The following SLC24A2 variants were observed in gnomAD, a reference collection of about 807,000 sequenced individuals.
SLC24A2 encodes the protein solute carrier family 24 member 2, also known as sodium/potassium/calcium exchanger 2.
SLC24A2 carries 36 observed loss-of-function variants against 62.0 expected under a neutral mutation model. The ratio of observed to expected loss-of-function variants is 0.58; its 90% CI spans 0.44 to 0.77. SLC24A2 has a LOEUF of 0.77. Ranked by LOEUF, SLC24A2 falls within the 30% of genes least tolerant of loss-of-function variation. The probability of loss-of-function intolerance (pLI) is 0.00; values close to 1 mark genes in which losing one functional copy is unlikely to be tolerated. For missense variants in SLC24A2, 846 were observed against 817.9 expected (o/e 1.03, Z -0.42); for synonymous variants, 358 against 294.0 (o/e 1.22, Z -2.23).
intron 5 of SLC24A2, among the ~76,000 whole-genome samples, chr9:19,585,473 T>G (rs1011999224): frequency 6.6e-6 from 1 of 152,236 alleles, no homozygotes; most frequent in African/African-American, 2.4e-5. Context: ...TAATCAGTTC[T>G]CCAGAAGCAA....
chr9:19,826,725 T>C, the SLC24A2 span, among the ~76,000 whole-genome samples: 1 of 152,190 alleles, frequency 6.6e-6, no homozygotes, highest in Non-Finnish European at 1.5e-5. Flanking sequence ...AGAGCCCTCA[T>C]GGGCCAATTA....
the SLC24A2 span, among the ~76,000 whole-genome samples, chr9:19,826,457 C>A: frequency 3.3e-4 from 50 of 151,844 alleles, no homozygotes; most frequent in Admixed American, 3.3e-3. Flanking sequence ...CATGCTGCCA[C>A]AAAAAAATAC....
chr9:19,588,829 C>T (rs756315792), intron 5 of SLC24A2, among the ~76,000 whole-genome samples: 6 of 152,110 alleles, frequency 3.9e-5, no homozygotes, highest in Non-Finnish European at 7.4e-5. Flanking sequence ...AGCATGGTGG[C>T]GCCTGCCTGT....
chr9:20,057,358 T>A, the SLC24A2 span, among the ~76,000 whole-genome samples: 19 of 152,336 alleles, frequency 1.2e-4, no homozygotes, highest in African/African-American at 4.6e-4. Flanking sequence ...ACTACGCACT[T>A]CTGACCTATC....
the SLC24A2 span, among the ~76,000 whole-genome samples, chr9:20,289,849 G>C: frequency 1.3e-5 from 2 of 152,104 alleles, no homozygotes; most frequent in African/African-American, 2.4e-5. Flanking sequence ...CTGTGTACTG[G>C]GTTGGCACAG....
intron 2 of SLC24A2, among the ~76,000 whole-genome samples, chr9:19,681,818 T>C (rs1819731268): frequency 6.6e-6 from 1 of 152,214 alleles, no homozygotes; most frequent in African/African-American, 2.4e-5. Context: ...TGAGGATCTA[T>C]AGATTAGTGA....
At chr9:19,654,537 T>C (rs991422358) in intron 2 of SLC24A2, among the ~76,000 whole-genome samples, 3 of 152,174 alleles carry the variant, frequency 2.0e-5, no homozygotes, top group Admixed American at 2.0e-4. Flanking sequence ...CCCTTAGATA[T>C]ATTATCCATG....
the SLC24A2 span, among the ~76,000 whole-genome samples, chr9:19,978,712 T>A: frequency 1.4e-4 from 22 of 152,090 alleles, no homozygotes; most frequent in African/African-American, 5.3e-4. Flanking sequence ...GGTAAGGCAG[T>A]GAAGAAAAAA....
Position 19,788,893 on chromosome 9 carries a change from G to C in SLC24A2, c.-162C>G, listed in dbSNP as rs1253316961. On this transcript the variant is annotated 5_prime_UTR_variant, in exon 1 of 11. It adds an upstream start codon to the 5' untranslated region. Transcript: ENST00000341998. ...CAGCCGCCCGCACTTACCAGGATAA[G>C]ATGGGAGGACGCGCACACGGCGGGG... 2 of 985,296 alleles carry C rather than the reference G, an allele frequency of 2.0e-6. No individual in the cohort carries two copies. The highest frequency in any genetic ancestry group is 2.4e-6 in the Non-Finnish European group (2 of 829,920). 61.0% of individuals were successfully genotyped at this position (985,296 alleles called of 1,614,324 possible).
chr9:19,896,408 T>A, the SLC24A2 span, among the ~76,000 whole-genome samples: 13 of 152,360 alleles, frequency 8.5e-5, no homozygotes, highest in Non-Finnish European at 1.6e-4. Flanking sequence ...GTGCTTGAGC[T>A]TTGAAATGCC....
chr9:19,957,099 C>T, the SLC24A2 span, among the ~76,000 whole-genome samples: 6 of 152,098 alleles, frequency 3.9e-5, no homozygotes, highest in African/African-American at 1.4e-4. Context: ...CAGTGATAAA[C>T]GTTCTTGTCT....
the SLC24A2 span, among the ~76,000 whole-genome samples, chr9:19,881,163 T>C: frequency 2.0e-5 from 3 of 152,266 alleles, no homozygotes; most frequent in African/African-American, 7.2e-5. Context: ...TTAAAGCCAT[T>C]ATACTCAGTG....
At chr9:19,665,319 G>A (rs754451518) in intron 2 of SLC24A2, among the ~76,000 whole-genome samples, 4 of 152,140 alleles carry the variant, frequency 2.6e-5, no homozygotes, top group Admixed American at 6.6e-5. Flanking sequence ...ACTTTGAGAG[G>A]TGCTGAGAAG....
the SLC24A2 span, among the ~76,000 whole-genome samples, chr9:20,234,695 G>T: frequency 1.3e-5 from 2 of 151,874 alleles, no homozygotes; most frequent in African/African-American, 4.8e-5. Context: ...GCTCAGAGTA[G>T]TTTGATCATC....
intron 2 of SLC24A2, among the ~76,000 whole-genome samples, chr9:19,673,184 T>A (rs974051321): frequency 2.7e-5 from 4 of 146,602 alleles, no homozygotes; most frequent in Admixed American, 2.7e-4. Context: ...ATTTCTTAGG[T>A]CTAGTAGTAA....
the SLC24A2 span, among the ~76,000 whole-genome samples, chr9:19,883,180 T>C: frequency 1.3e-5 from 2 of 152,334 alleles, no homozygotes; most frequent in African/African-American, 4.8e-5. Context: ...ATTAGGAATA[T>C]CATGTTTGCA....
intron 2 of SLC24A2, among the ~76,000 whole-genome samples, chr9:19,707,341 G>C (rs1229158851): frequency 1.3e-5 from 2 of 152,184 alleles, no homozygotes; most frequent in African/African-American, 4.8e-5. Flanking sequence ...GGAGGAGCTG[G>C]TACCATTCCT....
intron 8 of SLC24A2, among the ~76,000 whole-genome samples, chr9:19,533,138 C>T (rs566375094): frequency 6.6e-6 from 1 of 152,208 alleles, no homozygotes; most frequent in South Asian, 2.1e-4. Context: ...AGTGGGAGTA[C>T]TATATACTCT....
intron 2 of SLC24A2, among the ~76,000 whole-genome samples, chr9:19,721,520 A>C (rs1821024673): frequency 6.6e-6 from 1 of 152,180 alleles, no homozygotes. Context: ...TTTCACAATG[A>C]AGTTTTAAAA....
Sources: gnomAD v4.1 joint callset for allele counts (sites outside exome capture counted in the v4.1 genomes callset) on GRCh38, gnomAD v4.1.1 for gene constraint, MANE v1.5 for transcripts, NCBI Gene and HGNC (gene_info 2026-07-23, HGNC 2026-07-21) for gene names.